The following NR5A2 variants were observed in gnomAD, a reference collection of about 807,000 sequenced individuals.
NR5A2 encodes the protein CYP7A promoter-binding factor.
A neutral mutation model predicts 62.7 loss-of-function variants in NR5A2; 26 were observed. The observed-to-expected ratio is 0.41, with a 90% CI of 0.30 to 0.58. NR5A2 has a LOEUF of 0.58. NR5A2 is among the 20% of genes least tolerant of loss of function. The probability of loss-of-function intolerance (pLI) is 0.22; values close to 1 mark genes in which losing one functional copy is unlikely to be tolerated. For synonymous variants in NR5A2, 246 were observed against 241.7 expected (o/e 1.02, Z -0.16); for missense variants, 541 against 669.1 (o/e 0.81, Z 2.11).
intron 4 of NR5A2, among the ~76,000 whole-genome samples, chr1:200,046,302 A>T (rs1662360798): frequency 6.6e-6 from 1 of 152,200 alleles, no homozygotes; most frequent in African/African-American, 2.4e-5. Flanking sequence ...ACAGATTGGC[A>T]GGCAGTAAAG....
chr1:200,136,777 T>C (rs1667240020), intron 7 of NR5A2, among the ~76,000 whole-genome samples: 1 of 152,248 alleles, frequency 6.6e-6, no homozygotes, highest in South Asian at 2.1e-4. Flanking sequence ...GTACAAGGGC[T>C]GAGTAACAAT....
At position 200,173,536 on chromosome 1, in the gene NR5A2, T is replaced by C. The variant is rs530006751; in HGVS notation, c.1379-427T>C. ...TATTAGAATTAACTACATCATACCC[T>C]GGACACAGATTTCACCTTGGGTCAG... On this transcript the variant is annotated intron_variant, in intron 7 of 7. Coordinates refer to ENST00000367362, the MANE Select transcript of NR5A2 (RefSeq NM_205860.3). Among the ~76,000 whole-genome samples the C allele has an allele frequency of 1.5e-4, 23 of 152,324 alleles. No individual in the cohort carries two copies. In the South Asian group the frequency reaches 4.1e-3, roughly 27 times the overall value.
At chr1:200,089,157 A>G (rs1426070888) in intron 5 of NR5A2, among the ~76,000 whole-genome samples, 1 of 152,126 alleles carries the variant, frequency 6.6e-6, no homozygotes, top group East Asian at 1.9e-4. Context: ...TGAAACATAA[A>G]TGATCATCAC....
In NR5A2 at chr1:200,167,451, G is replaced by A. The variant is rs143415163; in HGVS notation, c.1379-6512G>A. Among the ~76,000 whole-genome samples the A allele has an allele frequency of 1.4e-3, 213 of 152,062 alleles. 1 individual carries two copies. The South Asian group carries it at 0.017, about 12-fold the overall frequency. On this transcript the variant is annotated intron_variant, in intron 7 of 7. Coordinates refer to ENST00000367362, the MANE Select transcript of NR5A2 (RefSeq NM_205860.3). ...CAAGTCCCTCCCCACCTCCTTGGCC[G>A]CCGTATTTCTCATCTGTGTTCCTGC...
intron 6 of NR5A2, among the ~76,000 whole-genome samples, chr1:200,112,386 A>C (rs2102295310): frequency 6.6e-6 from 1 of 152,308 alleles, no homozygotes; most frequent in South Asian, 2.1e-4. Flanking sequence ...TGATTCCTTC[A>C]ATCCTTTGGG....
intron 7 of NR5A2, among the ~76,000 whole-genome samples, chr1:200,129,938 C>G (rs1189614397): frequency 6.6e-6 from 1 of 152,178 alleles, no homozygotes; most frequent in African/African-American, 2.4e-5. Context: ...TCTGAGTGCT[C>G]CCTTCCCTCA....
chr1:200,081,767 CT>C (rs3033982), intron 5 of NR5A2, among the ~76,000 whole-genome samples: 14,487 of 144,832 alleles, frequency 0.1, 750 homozygotes, highest in African/African-American at 0.16. Context: ...CATAGTCTAC[CT>C]TTTTTTTTTT....
At chr1:200,063,529 G>T (rs893066659) in intron 5 of NR5A2, among the ~76,000 whole-genome samples, 1 of 152,238 alleles carries the variant, frequency 6.6e-6, no homozygotes. Flanking sequence ...AGTTTTATTT[G>T]ACCATTGAGA....
chr1:200,036,708 T>C (rs1661794438), intron 1 of NR5A2, among the ~76,000 whole-genome samples: 1 of 152,146 alleles, frequency 6.6e-6, no homozygotes, highest in African/African-American at 2.4e-5. Flanking sequence ...CAGGGAGCGT[T>C]TCCCATCGTC....
intron 7 of NR5A2, among the ~76,000 whole-genome samples, chr1:200,144,210 C>T (rs1218089521): frequency 2.1e-5 from 2 of 94,362 alleles, no homozygotes; most frequent in Non-Finnish European, 4.7e-5. Context: ...CATCCCAGCA[C>T]TGTTTCTCTC....
At chr1:200,051,356 A>G (rs1394419429) in intron 5 of NR5A2, among the ~76,000 whole-genome samples, 1 of 152,226 alleles carries the variant, frequency 6.6e-6, no homozygotes, top group Non-Finnish European at 1.5e-5. Context: ...TTTTTCCACT[A>G]TTCCTCTCTT....
In NR5A2 at chr1:200,101,442, C is replaced by T. The variant is rs538052129; in HGVS notation, c.1111-9760C>T. Among the ~76,000 whole-genome samples the T allele has an allele frequency of 3.3e-5, 5 of 152,300 alleles. No individual in the cohort carries two copies. In the South Asian group the frequency reaches 6.2e-4, roughly 19 times the overall value. ...GTAGGCTATGAAGTTTGTCAATACA[C>T]GAATTGCTATGTTCTTTACTTTGCA... On this transcript the variant is annotated intron_variant, in intron 5 of 7. Transcript: ENST00000367362.
At chr1:200,072,088 G>A (rs941618275) in intron 5 of NR5A2, among the ~76,000 whole-genome samples, 3 of 151,922 alleles carry the variant, frequency 2.0e-5, no homozygotes, top group Non-Finnish European at 2.9e-5. Context: ...AAAGAGGTAG[G>A]GCCTAACTCA....
chr1:200,159,088 T>A (rs984174006), intron 7 of NR5A2, among the ~76,000 whole-genome samples: 1 of 151,726 alleles, frequency 6.6e-6, no homozygotes. Flanking sequence ...CAAAATGGGA[T>A]CTCACTATAT....
chr1:200,137,089 CCACCCAAAGTG>C (rs551834028), intron 7 of NR5A2, among the ~76,000 whole-genome samples: 26 of 152,232 alleles, frequency 1.7e-4, no homozygotes, highest in African/African-American at 6.3e-4. Flanking sequence ...CCAGCCTCAG[CCACCCAAAGTG>C]CTGGGATTAC....
intron 5 of NR5A2, among the ~76,000 whole-genome samples, chr1:200,091,719 G>A (rs1436499310): frequency 2.6e-5 from 4 of 152,006 alleles, no homozygotes; most frequent in East Asian, 1.9e-4. Flanking sequence ...TCCTGACCTC[G>A]TGATCCACTC....
At chr1:200,116,991 G>T (rs1169551259) in intron 6 of NR5A2, among the ~76,000 whole-genome samples, 1 of 152,084 alleles carries the variant, frequency 6.6e-6, no homozygotes, top group Non-Finnish European at 1.5e-5. Flanking sequence ...AAAATGACAG[G>T]CATCTTATAA....
At chr1:200,165,334 A>G (rs1364490419) in intron 7 of NR5A2, among the ~76,000 whole-genome samples, 1 of 152,158 alleles carries the variant, frequency 6.6e-6, no homozygotes, top group Non-Finnish European at 1.5e-5. Flanking sequence ...GAATGCCGCT[A>G]CATTGACACA....
Position 200,083,522 on chromosome 1 carries a change from C to G in NR5A2, c.1111-27680C>G, listed in dbSNP as rs190817924. On this transcript the variant is annotated intron_variant, in intron 5 of 7. Transcript: ENST00000367362. ...ATTTTATGGATTCCTGTACAGCCTC[C>G]TCATTGTCATTAGATAATGAAAGGC... Among the ~76,000 whole-genome samples the G allele has an allele frequency of 7.2e-5, 11 of 152,324 alleles. No homozygotes were observed. The East Asian group carries it at 1.9e-3, about 27-fold the overall frequency.
Sources: allele counts gnomAD v4.1 joint callset (sites outside exome capture counted in the v4.1 genomes callset), GRCh38; gene constraint gnomAD v4.1.1; transcripts MANE v1.5; gene names NCBI Gene and HGNC (gene_info 2026-07-23, HGNC 2026-07-21).